Variants in ARL14EPL observed in about 807,000 individuals in gnomAD.
ARL14EPL encodes the protein ARL14 effector protein-like.
Under a neutral mutation model 15.9 loss-of-function variants are expected in ARL14EPL, and 17 were observed. The ratio of observed to expected loss-of-function variants is 1.07; its 90% CI spans 0.73 to 1.60. The LOEUF (loss-of-function observed/expected upper bound fraction) is 1.60. ARL14EPL is among the 40% of genes most tolerant of loss of function. The pLI is 0.00. For missense variants in ARL14EPL, 214 were observed against 185.9 expected (o/e 1.15, Z -0.88); for synonymous variants, 78 against 63.8 (o/e 1.22, Z -1.06).
intron 1 of ARL14EPL, among the ~76,000 whole-genome samples, chr5:116,050,949 A>G (rs1440515178): frequency 6.6e-6 from 1 of 152,140 alleles, no homozygotes; most frequent in East Asian, 1.9e-4. Context: ...AAACCTGATT[A>G]CCATTTAGCA....
At chr5:116,052,429 T>G (rs964901139) in intron 2 of ARL14EPL, 11 of 620,452 alleles carry the variant, frequency 1.8e-5, no homozygotes, top group South Asian at 7.8e-5. Context: ...TTAACTCATC[T>G]AATCCTTATC....
intron 1 of ARL14EPL, among the ~76,000 whole-genome samples, chr5:116,050,664 A>G (rs1749352484): frequency 1.3e-5 from 2 of 152,116 alleles, no homozygotes; most frequent in Non-Finnish European, 2.9e-5. Context: ...AGTTGATGAG[A>G]ATCAGGGAAA....
chr5:116,044,457 G>GA (rs1324146233), intron 1 of ARL14EPL, among the ~76,000 whole-genome samples: 9 of 148,466 alleles, frequency 6.1e-5, no homozygotes, highest in Admixed American at 1.4e-4. Flanking sequence ...TAACACTGAA[G>GA]AAAAACATTA....
chr5:116,055,014 T>C (rs1042449936), intron 3 of ARL14EPL, among the ~76,000 whole-genome samples: 9 of 152,014 alleles, frequency 5.9e-5, no homozygotes, highest in African/African-American at 2.2e-4. Context: ...CCAAAATATA[T>C]GAAGAATCTT....
In ARL14EPL at chr5:116,051,379, G is replaced by A. The variant is rs1489998500; in HGVS notation, c.-9-78G>A. On this transcript the variant is annotated intron_variant, in intron 1 of 3. Transcript: ENST00000686077. ...GAATAAAGTGAGACGTGTAGGGAGA[G>A]TAGAAAAGAATCACCAGATATAGTT... 9.2e-6 allele frequency: 8 copies of A among 871,292 alleles called. No homozygotes were observed. In the East Asian group the frequency reaches 2.1e-4, roughly 23 times the overall value. 54.0% of individuals were successfully genotyped at this position (871,292 alleles called of 1,614,324 possible).
intron 1 of ARL14EPL, among the ~76,000 whole-genome samples, chr5:116,045,946 G>C (rs549759565): frequency 6.6e-6 from 1 of 152,118 alleles, no homozygotes; most frequent in Non-Finnish European, 1.5e-5. Context: ...ATTTTTTAGA[G>C]GTTATTGTCT....
rs1015882774 is a variant in ARL14EPL at position 116,059,449 on chromosome 5, T to C, written c.*502T>C. ...GTATACCCATAGCCTCATTTTTTTA[T>C]TGTTCATGTTTTAATAACATTAAAA... On this transcript the variant is annotated 3_prime_UTR_variant, in exon 4 of 4. Transcript: ENST00000686077. The C allele has an allele frequency of 2.6e-5, 4 of 152,678 alleles. No individual in the cohort carries two copies. The highest frequency in any genetic ancestry group is 9.6e-5 in the African/African-American group (4 of 41,464). 9.5% of individuals were successfully genotyped at this position (152,678 alleles called of 1,614,324 possible). A position where few individuals can be genotyped will look rare whatever the true frequency, so the allele number is the denominator to read the frequency against.
At chr5:116,042,459 G>C (rs962513305) in intron 1 of ARL14EPL, among the ~76,000 whole-genome samples, 1 of 152,114 alleles carries the variant, frequency 6.6e-6, no homozygotes, top group Non-Finnish European at 1.5e-5. Flanking sequence ...TCCACTTCTG[G>C]ACCCCCATGA....
rs1301265454 is a variant in ARL14EPL at position 116,036,171 on chromosome 5, G to T, written c.-10+3666G>T. On this transcript the variant is annotated intron_variant, in intron 1 of 3. Transcript: ENST00000686077. ...ACACGTGGGGAAATAGGGGCTTAAG[G>T]TGCTAGCAGAAGCAGAAGCTAGAAT... 2.0e-5 allele frequency among the ~76,000 whole-genome samples: 3 copies of T among 152,294 alleles called. No individual in the cohort carries two copies. The East Asian group carries it at 5.8e-4, about 29-fold the overall frequency.
chr5:116,036,890 T>A (rs1211462016), intron 1 of ARL14EPL, among the ~76,000 whole-genome samples: 1 of 152,172 alleles, frequency 6.6e-6, no homozygotes, highest in African/African-American at 2.4e-5. Context: ...TTGATGCATT[T>A]TGAATATTCT....
At chr5:116,047,333 G>A (rs1482677784) in intron 1 of ARL14EPL, among the ~76,000 whole-genome samples, 3 of 152,166 alleles carry the variant, frequency 2.0e-5, no homozygotes, top group Non-Finnish European at 1.5e-5. Flanking sequence ...CCTTCCCCAG[G>A]CTTCTGTGTA....
At chr5:116,045,804 A>C (rs1460901254) in intron 1 of ARL14EPL, among the ~76,000 whole-genome samples, 1 of 151,918 alleles carries the variant, frequency 6.6e-6, no homozygotes, top group Admixed American at 6.6e-5. Flanking sequence ...ATACAACTAC[A>C]AAAGTATGGC....
chr5:116,038,526 C>A (rs1455050239), intron 1 of ARL14EPL, among the ~76,000 whole-genome samples: 5 of 152,064 alleles, frequency 3.3e-5, no homozygotes, highest in African/African-American at 1.2e-4. Context: ...TCATGTCATG[C>A]AAGGCCTAAA....
At chr5:116,040,946 C>G (rs1561576935) in intron 1 of ARL14EPL, among the ~76,000 whole-genome samples, 1 of 117,644 alleles carries the variant, frequency 8.5e-6, no homozygotes, top group African/African-American at 3.4e-5. Flanking sequence ...CGCCACTGCA[C>G]TCCAGCCTGG....
chr5:116,044,257 C>T (rs989341318), intron 1 of ARL14EPL, among the ~76,000 whole-genome samples: 2 of 152,168 alleles, frequency 1.3e-5, no homozygotes, highest in African/African-American at 4.8e-5. Flanking sequence ...CTATAATTCA[C>T]GAGTGAACAG....
At chr5:116,040,448 C>T (rs186305650) in intron 1 of ARL14EPL, among the ~76,000 whole-genome samples, 114 of 151,242 alleles carry the variant, frequency 7.5e-4, no homozygotes, top group African/African-American at 2.5e-3. Flanking sequence ...TAAAGAGTGA[C>T]GGGAAGGCAT....
chr5:116,054,215 C>A, intron 3 of ARL14EPL, 62 bp downstream of exon 3: 1 of 1,419,146 alleles, frequency 7.0e-7, no homozygotes, highest in Non-Finnish European at 9.3e-7. Context: ...TTCTCCTTGA[C>A]AAAGCAATGA....
intron 3 of ARL14EPL, 51 bp from the exon 4 acceptor site, chr5:116,058,674 A>T: frequency 2.0e-6 from 3 of 1,483,834 alleles, no homozygotes; most frequent in Non-Finnish European, 2.7e-6. Context: ...TTTATTCTCA[A>T]TGTTGAGGAT....
chr5:116,038,367 GGAT>G (rs1383393059), intron 1 of ARL14EPL, among the ~76,000 whole-genome samples: 4 of 152,118 alleles, frequency 2.6e-5, no homozygotes, highest in Admixed American at 2.6e-4. Context: ...TGGGCAATGG[GGAT>G]GATTACACAA....
Sources: gnomAD v4.1 joint callset for allele counts (sites outside exome capture counted in the v4.1 genomes callset) on GRCh38, gnomAD v4.1.1 for gene constraint, MANE v1.5 for transcripts, NCBI Gene and HGNC (gene_info 2026-07-23, HGNC 2026-07-21) for gene names.